Variants in KIAA1958 observed in about 807,000 individuals in gnomAD.
KIAA1958 encodes uncharacterized protein KIAA1958.
KIAA1958 carries 14 observed loss-of-function variants against 47.2 expected under a neutral mutation model. The observed-to-expected ratio is 0.30, with a 90% CI of 0.20 to 0.46. The LOEUF is 0.46. Among genes scored for constraint, KIAA1958 ranks in the 20% least tolerant of loss-of-function variants. The pLI is 1.00. For missense variants in KIAA1958, 803 were observed against 909.2 expected (o/e 0.88, Z 1.50); for synonymous variants, 354 against 353.3 (o/e 1.00, Z -0.02).
At chr9:112,603,521 G>A (rs1264631194) in intron 2 of KIAA1958, among the ~76,000 whole-genome samples, 2 of 152,096 alleles carry the variant, frequency 1.3e-5, no homozygotes, top group Non-Finnish European at 2.9e-5. Context: ...GTCCCACCCA[G>A]TTCCACCATG....
At chr9:112,617,762 T>G in intron 2 of KIAA1958, 1 of 847,368 alleles carries the variant, frequency 1.2e-6, no homozygotes, top group Non-Finnish European at 1.8e-6. Flanking sequence ...GTAAAACTGA[T>G]TCCTCCTTTC....
chr9:112,597,957 G>A (rs191341864), intron 2 of KIAA1958, among the ~76,000 whole-genome samples: 2 of 152,178 alleles, frequency 1.3e-5, no homozygotes, highest in African/African-American at 2.4e-5. Flanking sequence ...GGGAAAAAAA[G>A]GTTCCTTGCA....
In KIAA1958 at chr9:112,551,162, A is replaced by C. The variant is rs74974548; in HGVS notation, c.-24-22895A>C. On this transcript the variant is annotated intron_variant, in intron 1 of 3. Transcript: ENST00000337530. ...GTTAATTTTAACTGTACAGTTCAGT[A>C]GCATTAAATGCATTCACATGTTATA... Among the ~76,000 whole-genome samples the C allele has an allele frequency of 3.9e-3, 592 of 152,194 alleles. 28 individuals are homozygous for C. In the East Asian group the frequency reaches 0.095, roughly 25 times the overall value.
intron 2 of KIAA1958, among the ~76,000 whole-genome samples, chr9:112,579,293 G>C (rs553819260): frequency 5.9e-5 from 9 of 151,988 alleles, no homozygotes; most frequent in Admixed American, 5.9e-4. Context: ...TTCTGTCTTT[G>C]GTATTTTGCT....
chr9:112,630,615 T>C (rs948717568), intron 2 of KIAA1958, among the ~76,000 whole-genome samples: 9 of 152,228 alleles, frequency 5.9e-5, no homozygotes, highest in African/African-American at 2.2e-4. Context: ...TTAGCACATA[T>C]TACAGTGTTC....
At chr9:112,626,131 A>G (rs1273244602) in intron 2 of KIAA1958, among the ~76,000 whole-genome samples, 2 of 152,186 alleles carry the variant, frequency 1.3e-5, no homozygotes, top group Non-Finnish European at 2.9e-5. Context: ...AAGTAAATTT[A>G]TTTAGAGATA....
At chr9:112,557,869 A>T (rs769854981) in intron 1 of KIAA1958, among the ~76,000 whole-genome samples, 1 of 152,242 alleles carries the variant, frequency 6.6e-6, no homozygotes, top group African/African-American at 2.4e-5. Context: ...AGAAAATGTT[A>T]TAGGAATAAA....
In KIAA1958 at chr9:112,586,476, C is replaced by A. The variant is rs185175027; in HGVS notation, c.1171+11225C>A. ...CTGTGTTGTACAAATGCATAATTTTCTGAGAAATTATGTTTCAATAGCTTT... is the reference window on the plus strand; with the variant it reads ...CTGTGTTGTACAAATGCATAATTTTATGAGAAATTATGTTTCAATAGCTTT... On this transcript the variant is annotated intron_variant, in intron 2 of 3. Coordinates refer to ENST00000337530, the MANE Select transcript of KIAA1958 (RefSeq NM_133465.4). Among the ~76,000 whole-genome samples the A allele has an allele frequency of 6.2e-4, 94 of 152,186 alleles. 1 individual carries two copies. Among genetic ancestry groups the A allele is most frequent in the African/African-American group, 2.2e-3 (91 of 41,514 alleles).
intron 2 of KIAA1958, chr9:112,581,925 TG>T: frequency 1.3e-5 from 3 of 236,134 alleles, no homozygotes; most frequent in Non-Finnish European, 1.8e-5. Flanking sequence ...ATGCTAGTCC[TG>T]GGGGATGCAT....
In KIAA1958 at chr9:112,660,975, C is replaced by T. The variant is rs561996736; in HGVS notation, c.*906C>T. ...CTGTTCTTCGTGTCATCCCATTATT[C>T]GGTCAGCATATACCACTGGATCTAT... On this transcript the variant is annotated 3_prime_UTR_variant, in exon 4 of 4. Coordinates refer to ENST00000337530, the MANE Select transcript of KIAA1958 (RefSeq NM_133465.4). 6.6e-6 allele frequency: 1 copy of T among 152,296 alleles called. No homozygotes were observed. Among genetic ancestry groups the T allele is most frequent in the African/African-American group, 2.4e-5 (1 of 41,558 alleles). 9.4% of individuals were successfully genotyped at this position (152,296 alleles called of 1,614,324 possible).
intron 2 of KIAA1958, among the ~76,000 whole-genome samples, chr9:112,576,211 C>A (rs1029771330): frequency 2.6e-5 from 4 of 152,042 alleles, no homozygotes; most frequent in African/African-American, 9.7e-5. Flanking sequence ...TTTAAGATTC[C>A]CAAAGAAGAC....
intron 1 of KIAA1958, among the ~76,000 whole-genome samples, chr9:112,547,202 C>T (rs531693625): frequency 6.9e-6 from 1 of 145,954 alleles, no homozygotes; most frequent in East Asian, 2.0e-4. Context: ...CATGGCGAAA[C>T]CCCATCTCTA....
chr9:112,592,338 C>T (rs924679339), intron 2 of KIAA1958, among the ~76,000 whole-genome samples: 32 of 152,160 alleles, frequency 2.1e-4, no homozygotes, highest in African/African-American at 7.5e-4. Context: ...CACTGCACTC[C>T]AGCCTGGGCA....
chr9:112,603,563 T>G (rs1293324787), intron 2 of KIAA1958, among the ~76,000 whole-genome samples: 1 of 152,198 alleles, frequency 6.6e-6, no homozygotes, highest in Non-Finnish European at 1.5e-5. Context: ...TAAGCTCTAT[T>G]TGACTTCTCT....
chr9:112,526,229 C>T (rs1037664045), intron 1 of KIAA1958, among the ~76,000 whole-genome samples: 1 of 141,338 alleles, frequency 7.1e-6, no homozygotes, highest in South Asian at 2.4e-4. Context: ...GTTTGTGCTG[C>T]TATAACAGAA....
chr9:112,582,255 A>T (rs1452897490), intron 2 of KIAA1958, among the ~76,000 whole-genome samples: 3 of 152,230 alleles, frequency 2.0e-5, no homozygotes, highest in Non-Finnish European at 4.4e-5. Context: ...GATTGTCTGT[A>T]ACAAAGGATA....
At chr9:112,490,787 T>A (rs1169233269) in intron 1 of KIAA1958, among the ~76,000 whole-genome samples, 2 of 152,180 alleles carry the variant, frequency 1.3e-5, no homozygotes, top group Non-Finnish European at 2.9e-5. Context: ...TCACCGTTAG[T>A]GTTCATAGTG....
chr9:112,561,006 A>G (rs1835318343), intron 1 of KIAA1958, among the ~76,000 whole-genome samples: 1 of 151,882 alleles, frequency 6.6e-6, no homozygotes, highest in Admixed American at 6.6e-5. Flanking sequence ...AAAATGGAAC[A>G]GGTTTTTATG....
chr9:112,570,456 A>G (rs943131013), intron 1 of KIAA1958, among the ~76,000 whole-genome samples: 4 of 152,254 alleles, frequency 2.6e-5, no homozygotes, highest in Non-Finnish European at 4.4e-5. Context: ...TTGTAAGTAT[A>G]TGCTATCCAT....
Sources: gnomAD v4.1 joint callset for allele counts (sites outside exome capture counted in the v4.1 genomes callset) on GRCh38, gnomAD v4.1.1 for gene constraint, MANE v1.5 for transcripts, NCBI Gene and HGNC (gene_info 2026-07-23, HGNC 2026-07-21) for gene names.